Variants in AHCYL2 observed in about 807,000 individuals in gnomAD.
AHCYL2 encodes adenosylhomocysteinase like 2, also known as S-adenosylhomocysteine hydrolase-like protein 2.
Under a neutral mutation model 81.4 loss-of-function variants are expected in AHCYL2, and 28 were observed. That is an observed-to-expected ratio of 0.34 (90% CI 0.25 to 0.47). AHCYL2 has a LOEUF of 0.47. Among genes scored for constraint, AHCYL2 ranks in the 20% least tolerant of loss-of-function variants. AHCYL2 has a pLI of 1.00. For missense variants in AHCYL2, 551 were observed against 785.1 expected, an observed-to-expected ratio of 0.70 and a Z score of 3.56; for synonymous variants, 272 against 290.2, an observed-to-expected ratio of 0.94 and a Z score of 0.64.
intron 1 of AHCYL2, among the ~76,000 whole-genome samples, chr7:129,333,416 A>G (rs926515798): frequency 4.6e-5 from 7 of 152,146 alleles, no homozygotes; most frequent in African/African-American, 1.7e-4. Flanking sequence ...GTGACTGTCA[A>G]GTATTTACAC....
chr7:129,305,071 G>C (rs546031880), intron 1 of AHCYL2, among the ~76,000 whole-genome samples: 2 of 151,218 alleles, frequency 1.3e-5, no homozygotes, highest in Non-Finnish European at 2.9e-5. Context: ...TAGATTTGTG[G>C]TTACCATGAA....
chr7:129,247,871 G>A (rs1206476285), intron 1 of AHCYL2, among the ~76,000 whole-genome samples: 1 of 152,060 alleles, frequency 6.6e-6, no homozygotes, highest in Non-Finnish European at 1.5e-5. Flanking sequence ...CAAAGTGCTG[G>A]GACTGCAAGC....
At chr7:129,250,666 G>A (rs1795218084) in intron 1 of AHCYL2, among the ~76,000 whole-genome samples, 1 of 152,196 alleles carries the variant, frequency 6.6e-6, no homozygotes, top group Admixed American at 6.5e-5. Context: ...TTCACTGATA[G>A]TTGGTAGGGC....
chr7:129,225,416 G>A lies in AHCYL2; in HGVS notation c.340G>A (p.Glu114Lys). 1 of 1,515,650 alleles carries A rather than the reference G, an allele frequency of 6.6e-7. No homozygotes were observed. The highest frequency in any genetic ancestry group is 2.7e-5 in the East Asian group (1 of 37,484). 93.9% of individuals were successfully genotyped at this position (1,515,650 alleles called of 1,614,324 possible). Reference sequence around the variant, plus strand: ...GGTCAGCCCCGACGGCACCGTCACCGAGGCGCCGCGCACAGTCAAGAAGGT... The same window carrying A: ...GGTCAGCCCCGACGGCACCGTCACCAAGGCGCCGCGCACAGTCAAGAAGGT... ...ALVSPDGTVT[E>K]APRTVKKQIQ... Residue 114 changes from glutamate (E) to lysine (K), a missense_variant, in exon 1 of 17, where the codon GAG (glutamate) becomes AAG (lysine). Around this residue, in one of 2 missense-constraint regions of AHCYL2, gnomAD observed 235 missense variants for 242.1 expected, o/e 0.97. Transcript: ENST00000325006.
intron 4 of AHCYL2, among the ~76,000 whole-genome samples, chr7:129,396,740 G>T (rs920510755): frequency 1.3e-5 from 2 of 151,908 alleles, no homozygotes; most frequent in East Asian, 3.9e-4. Flanking sequence ...GTTTTTTGGA[G>T]ACAGGGTCTC....
At chr7:129,287,257 G>A (rs535991550) in intron 1 of AHCYL2, among the ~76,000 whole-genome samples, 1 of 152,284 alleles carries the variant, frequency 6.6e-6, no homozygotes, top group East Asian at 1.9e-4. Flanking sequence ...TTAACCTCAA[G>A]CACCCCCTCC....
At chr7:129,389,034 G>GTT (rs745870129) in intron 2 of AHCYL2, 22 bp from the exon 3 acceptor site, 1 of 1,584,542 alleles carries the variant, frequency 6.3e-7, no homozygotes, top group Non-Finnish European at 8.5e-7. Context: ...TTTTCCGAGT[G>GTT]TTTTTTATTC....
At chr7:129,363,682 C>T (rs947953757) in intron 1 of AHCYL2, among the ~76,000 whole-genome samples, 4 of 152,166 alleles carry the variant, frequency 2.6e-5, no homozygotes, top group Non-Finnish European at 4.4e-5. Context: ...AGATTACAGG[C>T]GCCCGCCACC....
chr7:129,234,568 A>C lies in AHCYL2; in HGVS notation c.363+9129A>C, dbSNP rs191462640. Among the ~76,000 whole-genome samples the C allele has an allele frequency of 3.2e-4, 49 of 152,210 alleles. 1 individual carries two copies. In the East Asian group the frequency reaches 7.9e-3, roughly 25 times the overall value. ...GATGGGGTCTCTTGCTATGTTGCCT[A>C]GGCTGGTCTTGAACTCCCAGCTTCA... On this transcript the variant is annotated intron_variant, in intron 1 of 16. Transcript: ENST00000325006.
chr7:129,232,084 A>G (rs1239465009), intron 1 of AHCYL2, among the ~76,000 whole-genome samples: 1 of 151,894 alleles, frequency 6.6e-6, no homozygotes, highest in African/African-American at 2.4e-5. Flanking sequence ...AATGTTGCAA[A>G]CCTGAGGCTA....
intron 1 of AHCYL2, among the ~76,000 whole-genome samples, chr7:129,279,092 C>T (rs1260119962): frequency 6.6e-6 from 1 of 152,124 alleles, no homozygotes; most frequent in Non-Finnish European, 1.5e-5. Context: ...TTGTCAGATT[C>T]TACAACAAAG....
At position 129,419,084 on chromosome 7, in the gene AHCYL2, A is replaced by G. The variant is rs1252317612; in HGVS notation, c.1462-3756A>G. ...TAGGAATTCATAGTTTAACCTTGAG[A>G]TGTTGCCTGTTGCATATTTAAGAAG... On this transcript the variant is annotated intron_variant, in intron 12 of 16. Coordinates refer to ENST00000325006, the MANE Select transcript of AHCYL2 (RefSeq NM_015328.4). This position sits in a 1 kb window ranked among gnomAD's most constrained non-coding sequence, Gnocchi z 4.7. Among the ~76,000 whole-genome samples, 1 of 152,118 alleles carries G rather than the reference A, an allele frequency of 6.6e-6. No individual in the cohort carries two copies. Among genetic ancestry groups the G allele is most frequent in the Non-Finnish European group, 1.5e-5 (1 of 68,014 alleles).
At chr7:129,343,285 G>C (rs1029817321) in intron 1 of AHCYL2, among the ~76,000 whole-genome samples, 1 of 152,066 alleles carries the variant, frequency 6.6e-6, no homozygotes, top group African/African-American at 2.4e-5. Flanking sequence ...GAGGGCACTA[G>C]GATATTGTTT....
chr7:129,348,948 A>G (rs901822852), intron 1 of AHCYL2, among the ~76,000 whole-genome samples: 1 of 152,206 alleles, frequency 6.6e-6, no homozygotes, highest in Non-Finnish European at 1.5e-5. Flanking sequence ...AAAACACACT[A>G]ACCTAAGCTG....
chr7:129,264,416 C>T (rs565281383), intron 1 of AHCYL2, among the ~76,000 whole-genome samples: 4 of 151,860 alleles, frequency 2.6e-5, no homozygotes, highest in East Asian at 1.9e-4. Flanking sequence ...ATCGAGCTCA[C>T]GGGATGTAAA....
chr7:129,259,383 T>C (rs973847574), intron 1 of AHCYL2, among the ~76,000 whole-genome samples: 6 of 152,204 alleles, frequency 3.9e-5, no homozygotes, highest in African/African-American at 1.4e-4. Flanking sequence ...TCAATAAGTC[T>C]TTTGTACTCC....
At chr7:129,295,321 G>A (rs1019314514) in intron 1 of AHCYL2, among the ~76,000 whole-genome samples, 6 of 152,228 alleles carry the variant, frequency 3.9e-5, no homozygotes, top group African/African-American at 1.4e-4. Context: ...GGTTTTCTGA[G>A]GGATGTGCAT....
At chr7:129,328,129 A>G (rs1055973269) in intron 1 of AHCYL2, among the ~76,000 whole-genome samples, 1 of 151,844 alleles carries the variant, frequency 6.6e-6, no homozygotes, top group East Asian at 1.9e-4. Flanking sequence ...ATGGGAAACT[A>G]TCACATTATT....
In AHCYL2 at chr7:129,306,725, G is replaced by A. The variant is rs566486729; in HGVS notation, c.364-72913G>A. On this transcript the variant is annotated intron_variant, in intron 1 of 16. Transcript: ENST00000325006. ...TAGCAATCTGGGCTTATTTGTACCT[G>A]TGCTTCTTGGGAAGGCTTTCCAGAT... 1.3e-4 allele frequency among the ~76,000 whole-genome samples: 20 copies of A among 152,282 alleles called. No individual in the cohort carries two copies. In the East Asian group the frequency reaches 3.9e-3, roughly 29 times the overall value.
Sources: gnomAD v4.1 joint callset for allele counts (sites outside exome capture counted in the v4.1 genomes callset) on GRCh38, gnomAD v4.1.1 for gene constraint, gnomAD v4.1.1 regional missense constraint, Gnocchi (gnomAD v3.1) non-coding constraint, MANE v1.5 for transcripts, NCBI Gene and HGNC (gene_info 2026-07-23, HGNC 2026-07-21) for gene names.